Variants in DPP10 observed in about 807,000 individuals in gnomAD.
DPP10 encodes inactive dipeptidyl peptidase 10.
A neutral mutation model predicts 120.9 loss-of-function variants in DPP10; 33 were observed. That is an observed-to-expected ratio of 0.27 (90% CI 0.21 to 0.37). DPP10 has a LOEUF of 0.37. Ranked by LOEUF, DPP10 falls within the 10% of genes least tolerant of loss-of-function variation. The probability of loss-of-function intolerance (pLI) is 1.00; values close to 1 mark genes in which losing one functional copy is unlikely to be tolerated. For missense variants in DPP10, 816 were observed against 942.8 expected, an observed-to-expected ratio of 0.87 and a Z score of 1.76; for synonymous variants, 337 against 326.1, an observed-to-expected ratio of 1.03 and a Z score of -0.36.
intron 1 of DPP10, among the ~76,000 whole-genome samples, chr2:114,948,278 CTATT>C (rs1279846973): frequency 1.3e-5 from 2 of 152,134 alleles, no homozygotes; most frequent in South Asian, 2.1e-4. Flanking sequence ...CCCAATGTTT[CTATT>C]TGTTTTTTCT....
At chr2:114,663,657 A>G (rs1201032777) in intron 1 of DPP10, among the ~76,000 whole-genome samples, 4 of 121,246 alleles carry the variant, frequency 3.3e-5, no homozygotes, top group Non-Finnish European at 6.8e-5. Flanking sequence ...ATATATATAT[A>G]TATATATATA....
At chr2:115,210,768 A>G (rs1165110591) in intron 1 of DPP10, among the ~76,000 whole-genome samples, 1 of 152,102 alleles carries the variant, frequency 6.6e-6, no homozygotes, top group Non-Finnish European at 1.5e-5. Context: ...TCTGATGGCC[A>G]GTGATGATGA....
At chr2:115,235,588 G>A (rs953080958) in intron 1 of DPP10, among the ~76,000 whole-genome samples, 1 of 152,024 alleles carries the variant, frequency 6.6e-6, no homozygotes, top group Non-Finnish European at 1.5e-5. Flanking sequence ...TGGAGACCGA[G>A]TCTCACTCTG....
intron 1 of DPP10, among the ~76,000 whole-genome samples, chr2:114,695,494 T>A (rs868591824): frequency 6.6e-6 from 1 of 152,038 alleles, no homozygotes; most frequent in South Asian, 2.1e-4. Context: ...CATATTGAAT[T>A]AATACATAAT....
chr2:115,536,613 A>C (rs1355296934), intron 5 of DPP10, among the ~76,000 whole-genome samples: 1 of 152,010 alleles, frequency 6.6e-6, no homozygotes, highest in Non-Finnish European at 1.5e-5. Flanking sequence ...ATGCTTCCCC[A>C]GTAAAGAGAA....
At chr2:115,472,768 G>A (rs1177072242) in intron 3 of DPP10, among the ~76,000 whole-genome samples, 1 of 152,178 alleles carries the variant, frequency 6.6e-6, no homozygotes, top group East Asian at 1.9e-4. Flanking sequence ...AACAATAAAT[G>A]CTTATGGAAT....
intron 3 of DPP10, among the ~76,000 whole-genome samples, chr2:115,432,378 A>C (rs1042329009): frequency 6.6e-6 from 1 of 152,070 alleles, no homozygotes; most frequent in East Asian, 1.9e-4. Context: ...ATATTCATGA[A>C]TAGAAAGAGT....
intron 5 of DPP10, among the ~76,000 whole-genome samples, chr2:115,591,582 G>T (rs1284152887): frequency 6.6e-6 from 1 of 152,170 alleles, no homozygotes; most frequent in Non-Finnish European, 1.5e-5. Flanking sequence ...TTGAAGTCAG[G>T]TAGTGTGATG....
At chr2:115,096,340 A>G (rs1165584964) in intron 1 of DPP10, among the ~76,000 whole-genome samples, 1 of 152,206 alleles carries the variant, frequency 6.6e-6, no homozygotes, top group East Asian at 1.9e-4. Flanking sequence ...ATATACATAT[A>G]TATTTATATA....
At chr2:115,054,212 T>G (rs2105357575) in intron 1 of DPP10, among the ~76,000 whole-genome samples, 1 of 152,296 alleles carries the variant, frequency 6.6e-6, no homozygotes, top group Non-Finnish European at 1.5e-5. Flanking sequence ...ATTATCATCT[T>G]TGATTTCAGT....
chr2:114,491,504 G>A (rs2104439993), intron 1 of DPP10, among the ~76,000 whole-genome samples: 1 of 152,224 alleles, frequency 6.6e-6, no homozygotes, highest in East Asian at 1.9e-4. Context: ...CTCATTTATA[G>A]GCTCAACAGC....
intron 3 of DPP10, among the ~76,000 whole-genome samples, chr2:115,489,948 C>T (rs1308423284): frequency 2.0e-5 from 3 of 152,098 alleles, no homozygotes. Context: ...TTACAACCCC[C>T]TTTAATCTTG....
chr2:115,629,339 G>A (rs1241228521), intron 5 of DPP10, among the ~76,000 whole-genome samples: 1 of 152,060 alleles, frequency 6.6e-6, no homozygotes, highest in East Asian at 1.9e-4. Flanking sequence ...CCAGTAATGG[G>A]ATGGCTGGGT....
chr2:115,244,924 A>G (rs1319807406), intron 1 of DPP10, among the ~76,000 whole-genome samples: 1 of 151,456 alleles, frequency 6.6e-6, no homozygotes, highest in Non-Finnish European at 1.5e-5. Context: ...CTAATTTCTG[A>G]GATTTTGGTG....
At chr2:115,106,238 C>T (rs541652484) in intron 1 of DPP10, among the ~76,000 whole-genome samples, 8 of 152,140 alleles carry the variant, frequency 5.3e-5, no homozygotes, top group Non-Finnish European at 8.8e-5. Context: ...TAATAATTTC[C>T]ACAGACAGTA....
intron 1 of DPP10, among the ~76,000 whole-genome samples, chr2:114,513,289 G>A (rs183157570): frequency 1.8e-4 from 28 of 152,144 alleles, no homozygotes; most frequent in African/African-American, 5.8e-4. Flanking sequence ...TTGGGAGGCC[G>A]AGGCAGGTGG....
At chr2:115,807,701 A>G (rs887603713) in intron 19 of DPP10, among the ~76,000 whole-genome samples, 1 of 60,754 alleles carries the variant, frequency 1.6e-5, no homozygotes, top group African/African-American at 5.5e-5. Context: ...TAGAAGAGAG[A>G]AAAAAGGGAC....
chr2:115,005,301 T>G (rs370201397), intron 1 of DPP10, among the ~76,000 whole-genome samples: 4 of 152,100 alleles, frequency 2.6e-5, no homozygotes, highest in South Asian at 2.1e-4. Context: ...ACTCTAAAAA[T>G]CAGAGCGCCT....
chr2:114,538,183 G>C (rs1293043676), intron 1 of DPP10, among the ~76,000 whole-genome samples: 5 of 152,236 alleles, frequency 3.3e-5, no homozygotes, highest in African/African-American at 4.8e-5. Context: ...GCAGAAGGGA[G>C]TATTAGTGGC....
Sources: allele counts gnomAD v4.1 joint callset (sites outside exome capture counted in the v4.1 genomes callset), GRCh38; gene constraint gnomAD v4.1.1; transcripts MANE v1.5; gene names NCBI Gene and HGNC (gene_info 2026-07-23, HGNC 2026-07-21).